SEC61A1: variants seen among roughly 807,000 people sequenced by gnomAD.
SEC61A1 encodes protein transport protein Sec61 subunit alpha isoform 1.
SEC61A1 carries 15 observed loss-of-function variants against 55.2 expected under a neutral mutation model. That is an observed-to-expected ratio of 0.27 (90% CI 0.18 to 0.42). The LOEUF (loss-of-function observed/expected upper bound fraction) is 0.42. Ranked by LOEUF, SEC61A1 falls within the 10% of genes least tolerant of loss-of-function variation. The probability of loss-of-function intolerance (pLI) is 1.00; values close to 1 mark genes in which losing one functional copy is unlikely to be tolerated. For synonymous variants in SEC61A1, 247 were observed against 234.0 expected (o/e 1.06, Z -0.51); for missense variants, 284 against 602.6 (o/e 0.47, Z 5.53).
At chr3:128,053,125 T>A (rs931143826) in intron 2 of SEC61A1, among the ~76,000 whole-genome samples, 3 of 152,196 alleles carry the variant, frequency 2.0e-5, no homozygotes, top group African/African-American at 4.8e-5. Context: ...GCATCTTTGG[T>A]GGATGTTGCT....
chr3:128,051,701 G>A, upstream of SEC61A1: 1 of 1,445,180 alleles, frequency 6.9e-7, no homozygotes, highest in Non-Finnish European at 9.1e-7. Flanking sequence ...ATTCCTTCTC[G>A]CCAGAATCTA....
At position 128,069,750 on chromosome 3, in the gene SEC61A1, G is replaced by C; in HGVS notation, c.*88G>C. 1 of 1,054,838 alleles carries C rather than the reference G, an allele frequency of 9.5e-7. No individual in the cohort carries two copies. Among genetic ancestry groups the C allele is most frequent in the Non-Finnish European group, 1.4e-6 (1 of 708,954 alleles). The allele number at this position is 1,054,838 out of a possible 1,614,324, so 65.3% of individuals were successfully genotyped here. ...CATGGCGCGTGCTGCTGCGGCATAT[G>C]GACTTTTAATAATGTTTTTGAATTT... On this transcript the variant is annotated 3_prime_UTR_variant, in exon 12 of 12. Transcript: ENST00000243253.
intron 7 of SEC61A1, chr3:128,064,659 T>G: frequency 1.9e-6 from 1 of 539,852 alleles, no homozygotes; most frequent in Non-Finnish European, 3.2e-6. Flanking sequence ...CTAAAAAAAA[T>G]CAAAAACAAA....
At position 128,052,654 on chromosome 3, in the gene SEC61A1, C is replaced by T. The variant is rs1004209684; in HGVS notation, c.7+95C>T. On this transcript the variant is annotated intron_variant, in intron 1 of 11. Transcript: ENST00000243253. The stretch of plus-strand genomic sequence containing the variant: ...CGGGCGCCCGCCGGCCAACCCTGAC[C>T]GGCCCCCTGCAGAACGCGGCCCGTG... The T allele has an allele frequency of 1.2e-5, 18 of 1,546,272 alleles. No homozygotes were observed. The South Asian group carries it at 1.8e-4, about 15-fold the overall frequency.
upstream of SEC61A1, chr3:128,052,421 C>G (rs547385728): frequency 8.0e-7 from 1 of 1,248,022 alleles, no homozygotes; most frequent in East Asian, 3.2e-5. Context: ...GCGCCGCTTG[C>G]CGCCGGGCTA....
chr3:128,067,194 T>C lies in SEC61A1; in HGVS notation c.975+43T>C, dbSNP rs1942006211. Reference sequence around the variant, plus strand: ...AGATGAGCTAGCAATGCAGCTAAGTTGCAGTGGTTTCTATCAGTGTCTTGC... The same window carrying C: ...AGATGAGCTAGCAATGCAGCTAAGTCGCAGTGGTTTCTATCAGTGTCTTGC... On this transcript the variant is annotated intron_variant, in intron 9 of 11. Transcript: ENST00000243253. The surrounding 1 kb of genome is among the most constrained non-coding windows in gnomAD (Gnocchi z 4.1). 6.4e-7 allele frequency: 1 copy of C among 1,564,552 alleles called. No homozygotes were observed. Among genetic ancestry groups the C allele is most frequent in the South Asian group, 1.1e-5 (1 of 90,046 alleles).
intron 7 of SEC61A1, among the ~76,000 whole-genome samples, chr3:128,061,790 C>A (rs976225155): frequency 6.6e-6 from 1 of 152,176 alleles, no homozygotes; most frequent in Non-Finnish European, 1.5e-5. Flanking sequence ...TGTAGGAGTT[C>A]AGGTATTTGT....
chr3:128,055,534 G>C lies in SEC61A1; in HGVS notation c.94G>C (p.Val32Leu). ...PERKIQFKEKVLWTAITLFIF... is the reference protein window; with the variant it reads ...PERKIQFKEKLLWTAITLFIF... ...ACTCTAGATTCAGTTTAAGGAGAAA[G>C]TGCTGTGGACCGCTATCACCCTCTT... Residue 32 changes from valine (V) to leucine (L), a missense_variant, in exon 3 of 12, where the codon GTG becomes CTG. By Grantham distance (32) the Val-to-Leu change is conservative. Coordinates refer to ENST00000243253, the MANE Select transcript of SEC61A1 (RefSeq NM_013336.4). The C allele has an allele frequency of 6.2e-7, 1 of 1,613,312 alleles. No homozygotes were observed. Among genetic ancestry groups the C allele is most frequent in the Non-Finnish European group, 8.5e-7 (1 of 1,179,208 alleles).
At chr3:128,068,096 T>G in intron 11 of SEC61A1, 37 bp downstream of exon 11, 1 of 1,542,846 alleles carries the variant, frequency 6.5e-7, no homozygotes, top group Non-Finnish European at 9.0e-7. Flanking sequence ...CTCCCGTCTG[T>G]GGACATGTGT....
chr3:128,060,467 G>A (rs928576517), intron 6 of SEC61A1, 41 bp from the exon 7 acceptor site: 3 of 1,604,018 alleles, frequency 1.9e-6, no homozygotes, highest in African/African-American at 2.7e-5. Context: ...ATGTCCGTGG[G>A]GAGCAGTAAC....
intron 7 of SEC61A1, among the ~76,000 whole-genome samples, chr3:128,061,481 A>G (rs978709944): frequency 6.6e-6 from 1 of 152,226 alleles, no homozygotes; most frequent in Non-Finnish European, 1.5e-5. Context: ...AATCATGCAT[A>G]TTTGAGAGTT....
At chr3:128,064,702 C>G in intron 7 of SEC61A1, 175 bp from the exon 8 acceptor site, 1 of 609,002 alleles carries the variant, frequency 1.6e-6, no homozygotes, top group Non-Finnish European at 2.9e-6. Flanking sequence ...TTTGAATTCT[C>G]TACAGAAGAG....
chr3:128,059,482 A>G (rs1215586034), intron 5 of SEC61A1, among the ~76,000 whole-genome samples: 1 of 152,022 alleles, frequency 6.6e-6, no homozygotes, highest in Non-Finnish European at 1.5e-5. Context: ...AAAAAAAAAA[A>G]GGAAAGCTTC....
At chr3:128,055,902 T>A in intron 4 of SEC61A1, 151 bp downstream of exon 4, 1 of 666,056 alleles carries the variant, frequency 1.5e-6, no homozygotes, top group Non-Finnish European at 2.6e-6. Context: ...AATAGCCTTA[T>A]TAAATGCTGA....
intron 7 of SEC61A1, 105 bp from the exon 8 acceptor site, chr3:128,064,772 A>G (rs1260048411): frequency 1.3e-5 from 13 of 979,990 alleles, no homozygotes; most frequent in Non-Finnish European, 2.0e-5. Context: ...CATGAGTCTA[A>G]TAACTTAAGT....
At chr3:128,065,125 G>A (rs1243164000) in intron 8 of SEC61A1, 88 bp downstream of exon 8, 9 of 1,317,576 alleles carry the variant, frequency 6.8e-6, no homozygotes, top group South Asian at 2.3e-5. Flanking sequence ...TCTGTGGGGT[G>A]CACTGTCATC....
chr3:128,069,910 A>T lies in SEC61A1; in HGVS notation c.*248A>T, dbSNP rs988329526. 2.3e-5 allele frequency: 11 copies of T among 473,164 alleles called. 1 individual carries two copies. The South Asian group carries it at 2.7e-4, about 12-fold the overall frequency. The allele number at this position is 473,164 out of a possible 1,614,324, so 29.3% of individuals were successfully genotyped here. A position where few individuals can be genotyped will look rare whatever the true frequency, so the allele number is the denominator to read the frequency against. Reference sequence around the variant, plus strand: ...CGACTGCCAGAGAAGTGGGAATGGTATAGGATTGTCCCCAAGTGTCCATGT... The same window carrying T: ...CGACTGCCAGAGAAGTGGGAATGGTTTAGGATTGTCCCCAAGTGTCCATGT... On this transcript the variant is annotated 3_prime_UTR_variant, in exon 12 of 12. Coordinates refer to ENST00000243253, the MANE Select transcript of SEC61A1 (RefSeq NM_013336.4).
Position 128,052,822 on chromosome 3 carries a change from T to C in SEC61A1, c.8-13T>C. ...GTGTCCCAACTCTTCCTGTTTTGTT[T>C]CTCCCATCAAAGTCAAATTTCTGGA... is the stretch of plus-strand genomic sequence containing the variant. On this transcript the variant is annotated splice_polypyrimidine_tract_variant and intron_variant, in intron 1 of 11. Transcript: ENST00000243253. 6.2e-7 allele frequency: 1 copy of C among 1,612,024 alleles called. No individual in the cohort carries two copies.
rs1260372263 is a variant in SEC61A1 at position 128,060,792 on chromosome 3, T to C, written c.616+131T>C. 4 of 931,104 alleles carry C rather than the reference T, an allele frequency of 4.3e-6. No individual in the cohort carries two copies. The Admixed American group carries it at 1.3e-4, about 29-fold the overall frequency. The allele number at this position is 931,104 out of a possible 1,614,324, so 57.7% of individuals were successfully genotyped here. A position where few individuals can be genotyped will look rare whatever the true frequency, so the allele number is the denominator to read the frequency against. ...GTTTTAGGTTTATCTCTTCTGGTGT[T>C]TGGGTCCATCTGCAAAGTTTTAAAA... On this transcript the variant is annotated intron_variant, in intron 7 of 11. Coordinates refer to ENST00000243253, the MANE Select transcript of SEC61A1 (RefSeq NM_013336.4).
Sources: gnomAD v4.1 joint callset for allele counts (sites outside exome capture counted in the v4.1 genomes callset) on GRCh38, gnomAD v4.1.1 for gene constraint, Gnocchi (gnomAD v3.1) non-coding constraint, MANE v1.5 for transcripts, NCBI Gene and HGNC (gene_info 2026-07-23, HGNC 2026-07-21) for gene names.